The following MAP2K2 variants were observed in gnomAD, a reference collection of about 807,000 sequenced individuals.
The protein encoded by MAP2K2 is dual specificity mitogen-activated protein kinase kinase 2.
In MAP2K2, 24 loss-of-function variants were observed where a neutral mutation model predicts 43.7. That is an observed-to-expected ratio of 0.55 (90% CI 0.40 to 0.77). MAP2K2 has a LOEUF of 0.77. Among genes scored for constraint, MAP2K2 ranks in the 30% least tolerant of loss-of-function variants. The probability of loss-of-function intolerance (pLI) is 0.00; values close to 1 mark genes in which losing one functional copy is unlikely to be tolerated. For missense variants in MAP2K2, 470 were observed against 566.8 expected (o/e 0.83, Z 1.73); for synonymous variants, 244 against 239.7 (o/e 1.02, Z -0.17).
intron 2 of MAP2K2, 25 bp from the exon 3 acceptor site, chr19:4,110,680 G>A (rs2145070519): frequency 6.2e-7 from 1 of 1,603,800 alleles, no homozygotes; most frequent in Non-Finnish European, 8.5e-7. Flanking sequence ...GGGCGAGACT[G>A]GCTTGGGGGG....
At position 4,091,218 on chromosome 19, in the gene MAP2K2, C is replaced by T. The variant is rs537456001; in HGVS notation, c.1093-510G>A. Among the ~76,000 whole-genome samples, 16 of 152,328 alleles carry T rather than the reference C, an allele frequency of 1.1e-4. No homozygotes were observed. The South Asian group carries it at 3.3e-3, about 32-fold the overall frequency. On this transcript the variant is annotated intron_variant, in intron 10 of 10. Transcript: ENST00000262948. The stretch of plus-strand genomic sequence containing the variant: ...GAACGGGCTGTTCCACAGAACTCCG[C>T]GAAGAGCATTGTACAGGCACCGTCC...
intron 3 of MAP2K2, among the ~76,000 whole-genome samples, chr19:4,103,995 G>T (rs1472071468): frequency 2.0e-5 from 3 of 152,168 alleles, no homozygotes; most frequent in Non-Finnish European, 4.4e-5. Context: ...TGGGAGCGGT[G>T]ACTCACGCCT....
chr19:4,107,825 C>A (rs1453367088), intron 3 of MAP2K2, among the ~76,000 whole-genome samples: 2 of 152,218 alleles, frequency 1.3e-5, no homozygotes, highest in African/African-American at 4.8e-5. Context: ...GGATGCAACA[C>A]CTGTGCGTGC....
intron 3 of MAP2K2, among the ~76,000 whole-genome samples, chr19:4,107,067 C>G (rs188920308): frequency 1.8e-4 from 27 of 152,338 alleles, no homozygotes; most frequent in African/African-American, 6.3e-4. Flanking sequence ...CCCACTGTTC[C>G]TAAGTTCCAG....
intron 3 of MAP2K2, among the ~76,000 whole-genome samples, chr19:4,105,863 C>T (rs2041079729): frequency 6.6e-6 from 1 of 151,810 alleles, no homozygotes; most frequent in Non-Finnish European, 1.5e-5. Flanking sequence ...GGGGGTTCCT[C>T]ATGTTGCCCA....
At chr19:4,097,136 G>A in intron 8 of MAP2K2, 143 bp downstream of exon 8, 1 of 648,448 alleles carries the variant, frequency 1.5e-6, no homozygotes, top group East Asian at 2.9e-5. Flanking sequence ...GGAGGTTTCA[G>A]TGAGCCGAGA....
intron 10 of MAP2K2, among the ~76,000 whole-genome samples, chr19:4,091,467 C>T (rs867091024): frequency 2.2e-4 from 33 of 151,844 alleles, no homozygotes; most frequent in South Asian, 6.2e-4. Flanking sequence ...ATTCTCCTGC[C>T]TCACCCTCCC....
intron 10 of MAP2K2, among the ~76,000 whole-genome samples, chr19:4,093,276 G>C (rs984372597): frequency 6.6e-6 from 1 of 152,154 alleles, no homozygotes; most frequent in Non-Finnish European, 1.5e-5. Flanking sequence ...GCACACATCG[G>C]TAGCCCCAGC....
intron 1 of MAP2K2, among the ~76,000 whole-genome samples, chr19:4,120,292 GA>G (rs2041276060): frequency 6.6e-6 from 1 of 152,202 alleles, no homozygotes; most frequent in African/African-American, 2.4e-5. Context: ...ATGAATGAAT[GA>G]ATGAATAACA....
chr19:4,101,580 C>T lies in MAP2K2; in HGVS notation c.529-300G>A, dbSNP rs1024274146. ...GCCCCAGGGAAGCTGAGATGGTGGC[C>T]CATGGCCCGGGAGTAGGCTGGGCTG... On this transcript the variant is annotated intron_variant, in intron 4 of 10. Coordinates refer to ENST00000262948, the MANE Select transcript of MAP2K2 (RefSeq NM_030662.4). This position sits in a 1 kb window ranked among gnomAD's most constrained non-coding sequence, Gnocchi z 6.3. Among the ~76,000 whole-genome samples the T allele has an allele frequency of 3.3e-5, 5 of 152,170 alleles. No individual in the cohort carries two copies. Among genetic ancestry groups the T allele is most frequent in the African/African-American group, 1.2e-4 (5 of 41,436 alleles).
chr19:4,111,234 T>C lies in MAP2K2; in HGVS notation c.304-579A>G, dbSNP rs114951242. On this transcript the variant is annotated intron_variant, in intron 2 of 10. Coordinates refer to ENST00000262948, the MANE Select transcript of MAP2K2 (RefSeq NM_030662.4). ...GATGAGGACGATGCCGTGAATATCC[T>C]ACAATCCACTGAGTCACATACTTTC... 6.2e-3 allele frequency among the ~76,000 whole-genome samples: 944 copies of C among 152,286 alleles called. 8 individuals are homozygous for C. Among genetic ancestry groups the C allele is most frequent in the African/African-American group, 0.022 (905 of 41,554 alleles).
intron 8 of MAP2K2, among the ~76,000 whole-genome samples, chr19:4,096,187 C>T (rs910691170): frequency 2.6e-5 from 4 of 152,208 alleles, no homozygotes; most frequent in Admixed American, 6.5e-5. Context: ...AGGCCTTTCC[C>T]GCGCAGGGGC....
chr19:4,094,831 G>C (rs2040893333), intron 9 of MAP2K2: 1 of 442,446 alleles, frequency 2.3e-6, no homozygotes, highest in African/African-American at 1.9e-5. Context: ...CATCGCCGGA[G>C]CGCACGCCAA....
chr19:4,108,303 C>T (rs1414536731), intron 3 of MAP2K2, among the ~76,000 whole-genome samples: 1 of 152,112 alleles, frequency 6.6e-6, no homozygotes, highest in Non-Finnish European at 1.5e-5. Context: ...TGCAGTGGCA[C>T]GATCTCAGCT....
intron 3 of MAP2K2, chr19:4,102,956 A>G: frequency 9.1e-7 from 1 of 1,099,224 alleles, no homozygotes; most frequent in South Asian, 2.4e-5. Context: ...GCGTGGGAGG[A>G]GGCGGCGGGT....
At chr19:4,110,817 C>T (rs569029160) in intron 2 of MAP2K2, among the ~76,000 whole-genome samples, 162 bp from the exon 3 acceptor site, 12 of 152,166 alleles carry the variant, frequency 7.9e-5, no homozygotes, top group African/African-American at 2.9e-4. Flanking sequence ...TGGACACATA[C>T]GTCCACACAG....
At chr19:4,114,324 G>A (rs2041193809) in intron 2 of MAP2K2, among the ~76,000 whole-genome samples, 1 of 152,180 alleles carries the variant, frequency 6.6e-6, no homozygotes, top group Non-Finnish European at 1.5e-5. Context: ...CAATTTTAAT[G>A]AGAACACGCG....
intron 1 of MAP2K2, among the ~76,000 whole-genome samples, chr19:4,118,058 C>A (rs2041248563): frequency 6.6e-6 from 1 of 152,174 alleles, no homozygotes; most frequent in Admixed American, 6.5e-5. Context: ...CTGCCTCAGC[C>A]TCCCAAGTAG....
At position 4,101,625 on chromosome 19, in the gene MAP2K2, C is replaced by T. The variant is rs1305070709; in HGVS notation, c.529-345G>A. Among the ~76,000 whole-genome samples the T allele has an allele frequency of 6.6e-6, 1 of 152,164 alleles. No homozygotes were observed. The highest frequency in any genetic ancestry group is 1.5e-5 in the Non-Finnish European group (1 of 68,030). On this transcript the variant is annotated intron_variant, in intron 4 of 10. Coordinates refer to ENST00000262948, the MANE Select transcript of MAP2K2 (RefSeq NM_030662.4). The surrounding 1 kb of genome is among the most constrained non-coding windows in gnomAD (Gnocchi z 6.3). ...GGGCTGCCGAGTTTGCCCACATCAG[C>T]CTGAAAGGCAGCATCTGGGGTCCCA...
Sources: gnomAD v4.1 joint callset for allele counts (sites outside exome capture counted in the v4.1 genomes callset) on GRCh38, gnomAD v4.1.1 for gene constraint, Gnocchi (gnomAD v3.1) non-coding constraint, MANE v1.5 for transcripts, NCBI Gene and HGNC (gene_info 2026-07-23, HGNC 2026-07-21) for gene names.